Variants in MASP1 observed in about 807,000 individuals in gnomAD.
MASP1 encodes mannan-binding lectin serine protease 1.
In MASP1, 59 loss-of-function variants were observed where a neutral mutation model predicts 77.1. That is an observed-to-expected ratio of 0.77 (90% CI 0.62 to 0.95). MASP1 has a LOEUF of 0.95. Ranked by LOEUF, MASP1 falls within the 40% of genes least tolerant of loss-of-function variation. The pLI is 0.00. For missense variants in MASP1, 885 were observed against 912.9 expected (o/e 0.97, Z 0.39); for synonymous variants, 362 against 354.5 (o/e 1.02, Z -0.24).
chr3:187,236,536 G>A lies in MASP1; in HGVS notation c.1335C>T (p.Ser445=), dbSNP rs3774268. 0.14 allele frequency: 226,087 copies of A among 1,613,894 alleles called. 16,305 individuals carry two copies. Among genetic ancestry groups the A allele is most frequent in the African/African-American group, 0.19 (14,537 of 74,958 alleles). Reference sequence around the variant, plus strand: ...GGCCCCCAATGATCCTCTTGACCAGGCTTGGCAGGGAGCGGGAGGGCTGAC... The same window carrying A: ...GGCCCCCAATGATCCTCTTGACCAGACTTGGCAGGGAGCGGGAGGGCTGAC... ...ECGQPSRSLP[S]LVKRIIGGRN... is the part of the protein sequence containing the mutation. Residue 445 remains serine (S), a synonymous_variant, in exon 11 of 11, where the codon AGC becomes AGT. Transcript: ENST00000296280.
intron 8 of MASP1, chr3:187,247,033 T>A (rs1579505428): frequency 1.3e-5 from 11 of 865,182 alleles, no homozygotes; most frequent in Non-Finnish European, 1.3e-5. Context: ...ACCAAGGGCA[T>A]TTTTTTTTTC....
At chr3:187,255,503 TCTGA>T (rs1714999140) in intron 5 of MASP1, among the ~76,000 whole-genome samples, 1 of 152,234 alleles carries the variant, frequency 6.6e-6, no homozygotes, top group African/African-American at 2.4e-5. Flanking sequence ...CACTGGGATT[TCTGA>T]CTGACACAAT....
chr3:187,239,452 C>T (rs1713451232), intron 10 of MASP1, among the ~76,000 whole-genome samples: 1 of 152,186 alleles, frequency 6.6e-6, no homozygotes, highest in Non-Finnish European at 1.5e-5. Context: ...TACCAAAGAT[C>T]ACAGTTAGGA....
intron 13 of MASP1, chr3:187,223,318 G>A: frequency 1.2e-6 from 1 of 824,704 alleles, no homozygotes; most frequent in South Asian, 1.4e-5. Context: ...TCAGAGAAAG[G>A]TGGTGTGGTG....
intron 5 of MASP1, among the ~76,000 whole-genome samples, chr3:187,255,955 A>G (rs2108550299): frequency 6.6e-6 from 1 of 151,994 alleles, no homozygotes; most frequent in South Asian, 2.1e-4. Context: ...CCTAATATTC[A>G]GCTCTACTTG....
intron 5 of MASP1, 120 bp downstream of exon 5, chr3:187,256,544 G>C: frequency 1.1e-6 from 1 of 889,232 alleles, no homozygotes; most frequent in South Asian, 1.4e-5. Flanking sequence ...GCCTTTTTGA[G>C]GAACTAGCTG....
downstream of MASP1, chr3:187,229,681 T>A (rs1712648439): frequency 1.3e-6 from 2 of 1,562,764 alleles, no homozygotes; most frequent in Non-Finnish European, 1.7e-6. Context: ...GCACAATGAT[T>A]CTCAATGAAG....
intron 6 of MASP1, among the ~76,000 whole-genome samples, chr3:187,252,199 G>T (rs1714669908): frequency 6.6e-6 from 1 of 152,158 alleles, no homozygotes; most frequent in Non-Finnish European, 1.5e-5. Flanking sequence ...TGGCAGCTCA[G>T]GGACACAGTG....
chr3:187,264,592 G>A (rs959688988), intron 2 of MASP1, among the ~76,000 whole-genome samples: 14 of 152,130 alleles, frequency 9.2e-5, no homozygotes, highest in Non-Finnish European at 1.5e-4. Flanking sequence ...CTATATTAAA[G>A]TGATAATCTT....
At position 187,235,787 on chromosome 3, in the gene MASP1, T is replaced by C. The variant is rs756693303; in HGVS notation, c.2084A>G (p.Lys695Arg). 96 of 1,613,982 alleles carry C rather than the reference T, an allele frequency of 5.9e-5. 1 individual carries two copies. In the South Asian group the frequency reaches 1.0e-3, roughly 17 times the overall value. ...CTTTGTGTAGACTCCATAGACCTGC[T>C]TGCTGCCGCATTCTTCAGGTCCCCC... ...SWGGPEECGSKQVYGVYTKVS... is the reference protein window; with the variant it reads ...SWGGPEECGSRQVYGVYTKVS... Residue 695 changes from lysine (K) to arginine (R), a missense_variant, in exon 11 of 11, where the codon AAG (lysine) becomes AGG (arginine). Coordinates refer to ENST00000296280, the MANE Select transcript of MASP1 (RefSeq NM_139125.4).
At chr3:187,272,903 T>A (rs1176549932) in intron 2 of MASP1, among the ~76,000 whole-genome samples, 1 of 152,216 alleles carries the variant, frequency 6.6e-6, no homozygotes, top group Non-Finnish European at 1.5e-5. Flanking sequence ...CTGTATATAG[T>A]TTTTCTCATA....
intron 8 of MASP1, chr3:187,247,157 CT>C: frequency 1.4e-6 from 2 of 1,478,538 alleles, no homozygotes; most frequent in East Asian, 5.0e-5. Context: ...GGAGAATTTG[CT>C]TTCACACACG....
chr3:187,266,807 G>A (rs962088776), intron 2 of MASP1, among the ~76,000 whole-genome samples: 1 of 152,170 alleles, frequency 6.6e-6, no homozygotes, highest in African/African-American at 2.4e-5. Flanking sequence ...CAAAACTATG[G>A]CAGGGCAGCT....
chr3:187,222,930 C>G (rs914767995), intron 14 of MASP1, among the ~76,000 whole-genome samples: 2 of 152,074 alleles, frequency 1.3e-5, no homozygotes, highest in African/African-American at 2.4e-5. Context: ...GGCTAGAGTC[C>G]ATGACATGTA....
intron 9 of MASP1, chr3:187,243,025 G>A (rs1713785981): frequency 1.1e-5 from 3 of 283,230 alleles, no homozygotes; most frequent in South Asian, 3.9e-5. Flanking sequence ...GGCCTGGTGA[G>A]ATGTTGCCCT....
At chr3:187,221,823 A>G (rs1712078187) in intron 14 of MASP1, among the ~76,000 whole-genome samples, 1 of 152,190 alleles carries the variant, frequency 6.6e-6, no homozygotes, top group Admixed American at 6.5e-5. Context: ...GAAAATATAT[A>G]TATTTTTTGC....
At chr3:187,243,381 T>TAAGTGTGCTCATAAGAGCACA (rs1713815898) in intron 9 of MASP1, 103 bp downstream of exon 9, 1 of 1,207,664 alleles carries the variant, frequency 8.3e-7, no homozygotes, top group African/African-American at 1.5e-5. Flanking sequence ...CTCTACACAC[T>TAAGTGTGCTCATAAGAGCACA]TATGAGCAGT....
intron 8 of MASP1, among the ~76,000 whole-genome samples, chr3:187,249,411 C>A (rs1313219989): frequency 6.6e-6 from 1 of 152,198 alleles, no homozygotes; most frequent in Non-Finnish European, 1.5e-5. Context: ...TTCTCTCTCC[C>A]TTCCTTCCCT....
At chr3:187,287,194 G>A (rs1717932028) in intron 1 of MASP1, among the ~76,000 whole-genome samples, 2 of 152,162 alleles carry the variant, frequency 1.3e-5, no homozygotes, top group Non-Finnish European at 2.9e-5. Context: ...CTGCTCCTGG[G>A]ATGGCTGTTG....
Sources: gnomAD v4.1 joint callset for allele counts (sites outside exome capture counted in the v4.1 genomes callset) on GRCh38, gnomAD v4.1.1 for gene constraint, MANE v1.5 for transcripts, NCBI Gene and HGNC (gene_info 2026-07-23, HGNC 2026-07-21) for gene names.